Variants in DGKK observed in about 807,000 individuals in gnomAD.
DGKK encodes the protein 142 kDa diacylglycerol kinase.
DGKK carries 35 observed loss-of-function variants against 92.2 expected under a neutral mutation model. The ratio of observed to expected loss-of-function variants is 0.38; its 90% confidence interval spans 0.29 to 0.50. The LOEUF (loss-of-function observed/expected upper bound fraction) is 0.50, where lower values mean the gene tolerates loss of function less well. Ranked by LOEUF, DGKK falls within the 20% of genes least tolerant of loss-of-function variation. The pLI, the probability that DGKK is intolerant of heterozygous loss-of-function variation, is 0.92. For synonymous variants in DGKK, 368 were observed against 360.6 expected, an observed-to-expected ratio of 1.02 and a Z score of -0.23; for missense variants, 910 against 992.2, an observed-to-expected ratio of 0.92 and a Z score of 1.11.
intron 4 of DGKK, among the ~76,000 whole-genome samples, chrX:50,405,310 G>A (rs1557227136): frequency 9.0e-6 from 1 of 110,800 alleles, no homozygotes; most frequent in African/African-American, 3.3e-5. Context: ...TTGAAAGAAG[G>A]GAAGGGTGAG....
At position 50,396,562 on chromosome X, in the gene DGKK, G is replaced by A. The variant is rs1186092817; in HGVS notation, c.1412-3227C>T. Among the ~76,000 whole-genome samples the A allele has an allele frequency of 2.7e-5, 3 of 111,921 alleles. 1 individual carries two copies. Among genetic ancestry groups the A allele is most frequent in the Non-Finnish European group, 5.6e-5 (3 of 53,207 alleles). ...CTAGAGTGAGCATAGGAAGCTTAGGGAGAAAATTCTGTAATTAAGGCAACT... is the reference window on the plus strand; with the variant it reads ...CTAGAGTGAGCATAGGAAGCTTAGGAAGAAAATTCTGTAATTAAGGCAACT... On this transcript the variant is annotated intron_variant, in intron 8 of 27. Coordinates refer to ENST00000611977, the MANE Select transcript of DGKK (RefSeq NM_001013742.4).
Position 50,367,291 on chromosome X carries a change from G to A in DGKK, c.*1649C>T, listed in dbSNP as rs1367193807. 8.9e-6 allele frequency: 1 copy of A among 111,742 alleles called. No homozygotes were observed. Among genetic ancestry groups the A allele is most frequent in the Non-Finnish European group, 1.9e-5 (1 of 53,122 alleles). The allele number at this position is 111,742 out of a possible 1,213,427, so 9.2% of individuals were successfully genotyped here. A position where few individuals can be genotyped will look rare whatever the true frequency, so the allele number is the denominator to read the frequency against. Reference sequence around the variant, plus strand: ...AGGTATGAGTCAAGGGTGGGGTGAAGATGCAAGGCTGACCAGAGAGAACCT... The same window carrying A: ...AGGTATGAGTCAAGGGTGGGGTGAAAATGCAAGGCTGACCAGAGAGAACCT... On this transcript the variant is annotated 3_prime_UTR_variant, in exon 28 of 28. Coordinates refer to ENST00000611977, the MANE Select transcript of DGKK (RefSeq NM_001013742.4).
chrX:50,396,340 G>T (rs868944815), intron 8 of DGKK, among the ~76,000 whole-genome samples: 14 of 111,833 alleles, frequency 1.3e-4, no homozygotes, highest in South Asian at 3.8e-4. Context: ...TGAGGATATG[G>T]GGGCTGTAGG....
intron 1 of DGKK, among the ~76,000 whole-genome samples, chrX:50,449,872 C>T (rs941052832): frequency 7.2e-5 from 8 of 111,828 alleles, no homozygotes; most frequent in East Asian, 2.8e-4. Flanking sequence ...CTGTATGTGG[C>T]GTTTTTTAAA....
At chrX:50,372,910 T>G (rs936903036) in intron 25 of DGKK, among the ~76,000 whole-genome samples, 1 of 112,017 alleles carries the variant, frequency 8.9e-6, no homozygotes, top group Non-Finnish European at 1.9e-5. Context: ...ATGTGGCTTC[T>G]TGCTGTGCAC....
chrX:50,387,467 T>A, intron 14 of DGKK, 87 bp downstream of exon 14: 1 of 698,659 alleles, frequency 1.4e-6, no homozygotes, highest in Admixed American at 3.2e-5. Flanking sequence ...CTTTTACCAT[T>A]CCCAGTGAGA....
In DGKK at chrX:50,424,329, C is replaced by T; in HGVS notation, c.675G>A (p.Lys225=). 1 of 1,210,706 alleles carries T rather than the reference C, an allele frequency of 8.3e-7. No individual in the cohort carries two copies. Among genetic ancestry groups the T allele is most frequent in the Non-Finnish European group, 1.1e-6 (1 of 894,744 alleles). Residue 225 remains lysine (K), a synonymous_variant, in exon 2 of 28, where the codon AAG becomes AAA. Coordinates refer to ENST00000611977, the MANE Select transcript of DGKK (RefSeq NM_001013742.4). ...TCCATCTCTTGAAAGAGTTACAGTT[C>T]TTCAGCATAGGTCCTTCCTTCAATA... ...KKILKEGPML[K]NCNSFKRWKL...
At chrX:50,390,715 T>G (rs1285213000) in intron 11 of DGKK, among the ~76,000 whole-genome samples, 2 of 111,846 alleles carry the variant, frequency 1.8e-5, no homozygotes, top group Non-Finnish European at 3.8e-5. Flanking sequence ...ACAATACACA[T>G]TCCAGGGCCC....
intron 4 of DGKK, among the ~76,000 whole-genome samples, chrX:50,417,913 T>C (rs782642822): frequency 9.0e-6 from 1 of 111,498 alleles, no homozygotes; most frequent in South Asian, 3.8e-4. Context: ...CCCATCTACC[T>C]CTCAAGACAT....
chrX:50,420,037 C>G (rs1925537053), intron 4 of DGKK, among the ~76,000 whole-genome samples: 1 of 111,620 alleles, frequency 9.0e-6, no homozygotes, highest in Admixed American at 9.5e-5. Context: ...TCTCAGTTTC[C>G]TTAGCTATCA....
chrX:50,402,798 A>G (rs1925043538), intron 7 of DGKK, among the ~76,000 whole-genome samples: 1 of 111,755 alleles, frequency 8.9e-6, no homozygotes, highest in Non-Finnish European at 1.9e-5. Flanking sequence ...TACTGCCATT[A>G]GAGAGCTCAG....
At chrX:50,443,881 C>T (rs1557231502) in intron 1 of DGKK, among the ~76,000 whole-genome samples, 1 of 110,733 alleles carries the variant, frequency 9.0e-6, no homozygotes, top group African/African-American at 3.3e-5. Context: ...CATCCCTAAT[C>T]CCTGGCAACC....
chrX:50,387,070 C>T (rs1281599879), intron 14 of DGKK, among the ~76,000 whole-genome samples: 4 of 111,028 alleles, frequency 3.6e-5, no homozygotes, highest in Non-Finnish European at 5.7e-5. Context: ...TAATAGTTTG[C>T]GATCTGAGGC....
chrX:50,461,608 G>A (rs1038546360), intron 1 of DGKK, among the ~76,000 whole-genome samples: 1 of 111,543 alleles, frequency 9.0e-6, no homozygotes. Flanking sequence ...CCTTGGCAAA[G>A]CATCTGGTAA....
intron 4 of DGKK, 113 bp downstream of exon 4, chrX:50,420,290 A>G (rs937568876): frequency 1.1e-4 from 71 of 638,229 alleles, no homozygotes; most frequent in Non-Finnish European, 1.2e-4. Flanking sequence ...TAATTCCTAA[A>G]CAGGTGGTCT....
At chrX:50,445,325 G>A (rs1926273983) in intron 1 of DGKK, among the ~76,000 whole-genome samples, 1 of 110,320 alleles carries the variant, frequency 9.1e-6, no homozygotes, top group Non-Finnish European at 1.9e-5. Flanking sequence ...TTGCAATTGT[G>A]TTTGGCGTCT....
intron 1 of DGKK, among the ~76,000 whole-genome samples, chrX:50,462,390 C>CTTTTTTTTTTTTTTTTTTTTTTGGGTTT (rs782504562): frequency 1.7e-5 from 1 of 60,493 alleles, no homozygotes; most frequent in Non-Finnish European, 3.0e-5. Context: ...GAAGTGAGTG[C>CTTTTTTTTTTTTTTTTTTTTTTGGGTTT]TTTTTTTTTT....
chrX:50,386,112 G>A (rs1338591234), intron 15 of DGKK, among the ~76,000 whole-genome samples: 1 of 111,706 alleles, frequency 9.0e-6, no homozygotes, highest in Non-Finnish European at 1.9e-5. Flanking sequence ...ATGAGTGTTG[G>A]TTTCCAAAAA....
chrX:50,423,318 A>G (rs1371072133), intron 2 of DGKK, among the ~76,000 whole-genome samples: 1 of 111,767 alleles, frequency 8.9e-6, no homozygotes, highest in Non-Finnish European at 1.9e-5. Flanking sequence ...GAGTTTAGCA[A>G]GACTCAAATC....
Sources: gnomAD v4.1 joint callset for allele counts (sites outside exome capture counted in the v4.1 genomes callset) on GRCh38, gnomAD v4.1.1 for gene constraint, MANE v1.5 for transcripts, NCBI Gene and HGNC (gene_info 2026-07-23, HGNC 2026-07-21) for gene names.